The following ELAPOR1 variants were observed in gnomAD, a reference collection of about 807,000 sequenced individuals.
ELAPOR1 encodes endosome-lysosome associated apoptosis and autophagy regulator 1, also known as endosome/lysosome-associated apoptosis and autophagy regulator 1.
A neutral mutation model predicts 119.7 loss-of-function variants in ELAPOR1; 77 were observed. The observed-to-expected ratio is 0.64, with a 90% CI of 0.54 to 0.78. The LOEUF (loss-of-function observed/expected upper bound fraction) is 0.78, where lower values mean the gene tolerates loss of function less well. Among genes scored for constraint, ELAPOR1 ranks in the 30% least tolerant of loss-of-function variants. The pLI is 0.00. For missense variants in ELAPOR1, 1,115 were observed against 1,270.4 expected (o/e 0.88, Z 1.86); for synonymous variants, 481 against 487.2 (o/e 0.99, Z 0.17).
intron 12 of ELAPOR1, 43 bp from the exon 13 acceptor site, chr1:109,191,683 C>G (rs1415365242): frequency 3.7e-6 from 6 of 1,610,412 alleles, no homozygotes; most frequent in Admixed American, 1.7e-5. Flanking sequence ...CCCACTTCCC[C>G]TCTGGCCATC....
chr1:109,198,773 A>T, intron 18 of ELAPOR1, 99 bp downstream of exon 18: 1 of 1,085,242 alleles, frequency 9.2e-7, no homozygotes, highest in Non-Finnish European at 1.4e-6. Context: ...AAAAGAAAAG[A>T]GTTTGAGATC....
intron 1 of ELAPOR1, among the ~76,000 whole-genome samples, chr1:109,121,447 A>G (rs1648411286): frequency 6.6e-6 from 1 of 152,132 alleles, no homozygotes; most frequent in South Asian, 2.1e-4. Flanking sequence ...GAATTATTAC[A>G]TTAAGAAAGT....
chr1:109,116,872 G>A (rs1321409194), intron 1 of ELAPOR1, among the ~76,000 whole-genome samples: 1 of 152,106 alleles, frequency 6.6e-6, no homozygotes, highest in African/African-American at 2.4e-5. Flanking sequence ...TGTATTTTTA[G>A]TAGAGATGGG....
At chr1:109,157,035 C>A (rs1430323547) in intron 1 of ELAPOR1, among the ~76,000 whole-genome samples, 1 of 152,188 alleles carries the variant, frequency 6.6e-6, no homozygotes, top group Non-Finnish European at 1.5e-5. Context: ...AATGCCTTTC[C>A]GCCTTCCCAT....
rs766277001 is a variant in ELAPOR1 at position 109,200,252 on chromosome 1, A to T, written c.2807+15A>T. ...AAGAATCAAAAGTACATGTTGCGGT[A>T]TTGGAGTGTGGGGATGGACAGGGTT... On this transcript the variant is annotated intron_variant, in intron 20 of 21. Transcript: ENST00000369939. The T allele has an allele frequency of 3.1e-6, 5 of 1,611,118 alleles. No individual in the cohort carries two copies. The Admixed American group carries it at 8.3e-5, about 27-fold the overall frequency.
intron 7 of ELAPOR1, among the ~76,000 whole-genome samples, chr1:109,177,265 C>A (rs1287030463): frequency 7.3e-6 from 1 of 137,592 alleles, no homozygotes. Flanking sequence ...CCGGACGGGG[C>A]GGCTGCCGGG....
Position 109,114,293 on chromosome 1 carries a change from A to G in ELAPOR1, c.110A>G (p.Gln37Arg). 2 of 1,600,676 alleles carry G rather than the reference A, an allele frequency of 1.2e-6. No homozygotes were observed. The highest frequency in any genetic ancestry group is 1.7e-4 in the Middle Eastern group (1 of 6,042). The part of the protein sequence containing the change: ...RLLLWAGTAF[Q>R]VTQGTGPELH... Reference sequence around the variant, plus strand: ...CTGCTCTGGGCTGGGACCGCCTTCCAGGTGACCCAGGGAACGGGACCGGAG... The same window carrying G: ...CTGCTCTGGGCTGGGACCGCCTTCCGGGTGACCCAGGGAACGGGACCGGAG... The change falls in exon 1 of 22, where the codon CAG becomes CGG. Residue 37 changes from glutamine (Q) to arginine (R), a missense_variant. Physicochemically the swap from Gln to Arg is conservative, Grantham distance 43. Transcript: ENST00000369939.
intron 1 of ELAPOR1, among the ~76,000 whole-genome samples, chr1:109,141,068 C>T (rs2570341): frequency 0.84 from 127,956 of 152,026 alleles, 54,076 homozygotes; most frequent in East Asian, 0.93. Flanking sequence ...GCCAGGCTGG[C>T]CTCGAACTCC....
rs1654404769 is a variant in ELAPOR1 at position 109,204,989 on chromosome 1, T to TA, written c.*1983dup. On this transcript the variant is annotated 3_prime_UTR_variant, in exon 22 of 22. Transcript: ENST00000369939. ...TTTCATTCTCAATTGCTTTGTGTGATAAAAAACTAAAGAGACTTCTGGTCC... is the reference window on the plus strand; with the variant it reads ...TTTCATTCTCAATTGCTTTGTGTGATAAAAAAACTAAAGAGACTTCTGGTCC... The TA allele has an allele frequency of 2.6e-5, 4 of 152,218 alleles. No homozygotes were observed. The highest frequency in any genetic ancestry group is 2.6e-4 in the Admixed American group (4 of 15,288). 9.4% of individuals were successfully genotyped at this position (152,218 alleles called of 1,614,324 possible).
intron 8 of ELAPOR1, chr1:109,187,596 C>T (rs1179782311): frequency 5.0e-6 from 5 of 1,002,296 alleles, no homozygotes; most frequent in Non-Finnish European, 6.0e-6. Flanking sequence ...CTGACTCAGC[C>T]GGGGTCTCCT....
At chr1:109,166,868 G>A (rs1183984231) in intron 3 of ELAPOR1, among the ~76,000 whole-genome samples, 1 of 152,178 alleles carries the variant, frequency 6.6e-6, no homozygotes, top group Non-Finnish European at 1.5e-5. Context: ...CAATCAAATG[G>A]ATAAGAAGGA....
intron 1 of ELAPOR1, among the ~76,000 whole-genome samples, chr1:109,128,224 A>AAAT (rs1243328700): frequency 6.6e-6 from 1 of 152,156 alleles, no homozygotes; most frequent in Non-Finnish European, 1.5e-5. Flanking sequence ...ATGAAAAATA[A>AAAT]AATAAATTGA....
In ELAPOR1 at chr1:109,188,203, G is replaced by A; in HGVS notation, c.1068G>A (p.Lys356=). 6.2e-7 allele frequency: 1 copy of A among 1,612,126 alleles called. No individual in the cohort carries two copies. Among genetic ancestry groups the A allele is most frequent in the Non-Finnish European group, 8.5e-7 (1 of 1,178,376 alleles). ...GETQLMYKWA[K]PKICSEDLEG... ...CACAACTCATGTACAAATGGGCCAA[G>A]CCGAAAATCTGTAGCGAGGACCTTG... The change falls in exon 9 of 22, where the codon AAG becomes AAA. Residue 356 remains lysine (K), a synonymous_variant. Transcript: ENST00000369939.
Position 109,114,207 on chromosome 1 carries a change from C to T in ELAPOR1, c.24C>T (p.His8=). The T allele has an allele frequency of 6.2e-7, 1 of 1,603,828 alleles. No homozygotes were observed. Among genetic ancestry groups the T allele is most frequent in the Non-Finnish European group, 8.5e-7 (1 of 1,175,090 alleles). The stretch of plus-strand genomic sequence containing the variant: ...CTATGGCTGAGCCTGGGCACAGCCA[C>T]CATCTCTCCGCCAGAGTCAGGGGAA... The part of the protein sequence containing the change: MAEPGHS[H]HLSARVRGRT... The change falls in exon 1 of 22, where the codon CAC becomes CAT. Residue 8 remains histidine, a synonymous_variant. Coordinates refer to ENST00000369939, the MANE Select transcript of ELAPOR1 (RefSeq NM_020775.5).
chr1:109,143,179 G>C (rs533178008), intron 1 of ELAPOR1, among the ~76,000 whole-genome samples: 105 of 152,222 alleles, frequency 6.9e-4, no homozygotes, highest in Middle Eastern at 3.4e-3. Flanking sequence ...CGAAGTCCTG[G>C]CCTCAAGAGA....
rs1651989329 is a variant in ELAPOR1, at chr1:109,172,587, T to G, written c.696+19T>G. 1.3e-6 allele frequency: 2 copies of G among 1,595,720 alleles called. No homozygotes were observed. Among genetic ancestry groups the G allele is most frequent in the East Asian group, 2.2e-5 (1 of 44,762 alleles). ...CCACAGTGTGAGTATCACACCAGCC[T>G]TCTCCCAGAGATCCCAGAAAAGGGA... On this transcript the variant is annotated intron_variant, in intron 5 of 21. Coordinates refer to ENST00000369939, the MANE Select transcript of ELAPOR1 (RefSeq NM_020775.5).
chr1:109,169,224 G>A (rs1651778588), intron 3 of ELAPOR1, among the ~76,000 whole-genome samples: 1 of 152,126 alleles, frequency 6.6e-6, no homozygotes, highest in Non-Finnish European at 1.5e-5. Context: ...ACTAATCTGA[G>A]ATTCCTTTAA....
intron 5 of ELAPOR1, 95 bp from the exon 6 acceptor site, chr1:109,173,379 G>A (rs1313195332): frequency 2.0e-6 from 2 of 982,968 alleles, no homozygotes; most frequent in East Asian, 2.4e-5. Context: ...TTACCATGCA[G>A]TTAGTAAGAG....
At chr1:109,139,120 A>C (rs1570626252) in intron 1 of ELAPOR1, among the ~76,000 whole-genome samples, 1 of 151,900 alleles carries the variant, frequency 6.6e-6, no homozygotes, top group Non-Finnish European at 1.5e-5. Flanking sequence ...GGAGGCTGAG[A>C]CAGGTGGATC....
Sources: allele counts gnomAD v4.1 joint callset (sites outside exome capture counted in the v4.1 genomes callset), GRCh38; gene constraint gnomAD v4.1.1; transcripts MANE v1.5; gene names NCBI Gene and HGNC (gene_info 2026-07-23, HGNC 2026-07-21).